The following CSMD1 variants were observed in gnomAD, a reference collection of about 807,000 sequenced individuals.
CSMD1 encodes CUB and sushi domain-containing protein 1.
CSMD1 carries 213 observed loss-of-function variants against 417.5 expected under a neutral mutation model. That is an observed-to-expected ratio of 0.51 (90% CI 0.46 to 0.57). CSMD1 has a LOEUF of 0.57. Among genes scored for constraint, CSMD1 ranks in the 20% least tolerant of loss-of-function variants. The probability of loss-of-function intolerance (pLI) is 0.00; values close to 1 mark genes in which losing one functional copy is unlikely to be tolerated. For synonymous variants in CSMD1, 2,862 were observed against 1,736.8 expected, an observed-to-expected ratio of 1.65 and a Z score of -16.11; for missense variants, 6,923 against 4,529.7, an observed-to-expected ratio of 1.53 and a Z score of -15.17.
intron 1 of CSMD1, among the ~76,000 whole-genome samples, chr8:4,818,753 T>C (rs1456906337): frequency 6.6e-6 from 1 of 152,214 alleles, no homozygotes; most frequent in Non-Finnish European, 1.5e-5. Context: ...CATAGTCTGA[T>C]TATAATAGCT....
At chr8:3,617,567 C>T (rs1802203928) in intron 7 of CSMD1, among the ~76,000 whole-genome samples, 1 of 152,104 alleles carries the variant, frequency 6.6e-6, no homozygotes, top group South Asian at 2.1e-4. Flanking sequence ...TTCTGGGAAA[C>T]ATTACAGGAT....
chr8:3,529,726 T>A (rs1181345791), intron 10 of CSMD1, among the ~76,000 whole-genome samples: 2 of 152,166 alleles, frequency 1.3e-5, no homozygotes, highest in Non-Finnish European at 2.9e-5. Context: ...ATATCTGTTG[T>A]TTTACTCACA....
At chr8:3,278,859 C>G (rs368341146) in intron 26 of CSMD1, 1 of 152,080 alleles carries the variant, frequency 6.6e-6, no homozygotes, top group Non-Finnish European at 1.5e-5. Context: ...AGTGAGGGGA[C>G]GAATGTGGGT....
chr8:3,569,180 A>T (rs1191212858), intron 10 of CSMD1, among the ~76,000 whole-genome samples: 1 of 152,194 alleles, frequency 6.6e-6, no homozygotes, highest in East Asian at 1.9e-4. Flanking sequence ...CTTTCATTTT[A>T]TAACTTCCTG....
At chr8:3,980,833 G>C (rs1405765194) in intron 5 of CSMD1, among the ~76,000 whole-genome samples, 1 of 152,158 alleles carries the variant, frequency 6.6e-6, no homozygotes, top group Non-Finnish European at 1.5e-5. Flanking sequence ...CCCACTCCCA[G>C]CAGTTGGCTA....
intron 12 of CSMD1, among the ~76,000 whole-genome samples, chr8:3,454,954 A>C (rs908103701): frequency 2.0e-5 from 3 of 152,190 alleles, no homozygotes; most frequent in Admixed American, 6.5e-5. Flanking sequence ...TACACCAATC[A>C]GATGTAGATT....
chr8:3,597,373 A>C (rs557614853), intron 8 of CSMD1, among the ~76,000 whole-genome samples: 34 of 92,942 alleles, frequency 3.7e-4, no homozygotes, highest in South Asian at 7.2e-4. Context: ...ACTGGAATTA[A>C]ACTGCCCCTA....
Position 3,131,367 on chromosome 8 carries a change from T to G in CSMD1, c.6241+11098A>C, listed in dbSNP as rs571909073. On this transcript the variant is annotated intron_variant, in intron 41 of 69. Coordinates refer to ENST00000635120, the MANE Select transcript of CSMD1 (RefSeq NM_033225.6). The stretch of plus-strand genomic sequence containing the variant: ...ATAATAAAAGAAAAAAAAGAAAAAA[T>G]AAATAAATAAAATAAAATAAAAAAA... Among the ~76,000 whole-genome samples, 32 of 148,792 alleles carry G rather than the reference T, an allele frequency of 2.2e-4. No homozygotes were observed. The South Asian group carries it at 6.8e-3, about 31-fold the overall frequency.
At chr8:3,518,497 C>A (rs1797373691) in intron 10 of CSMD1, among the ~76,000 whole-genome samples, 1 of 151,994 alleles carries the variant, frequency 6.6e-6, no homozygotes, top group African/African-American at 2.4e-5. Context: ...GTAGACTCAA[C>A]AAAGAATCAG....
intron 6 of CSMD1, among the ~76,000 whole-genome samples, chr8:3,728,906 C>G (rs1294794630): frequency 6.6e-6 from 1 of 152,306 alleles, no homozygotes; most frequent in African/African-American, 2.4e-5. Flanking sequence ...TTCAATCTAT[C>G]ACCGACTGCA....
chr8:4,303,247 ACT>A (rs1359305081), intron 3 of CSMD1, among the ~76,000 whole-genome samples: 1 of 152,118 alleles, frequency 6.6e-6, no homozygotes, highest in Non-Finnish European at 1.5e-5. Flanking sequence ...AGTATTCTCT[ACT>A]CTCATGAAAT....
chr8:4,255,340 T>G (rs1002990221), intron 3 of CSMD1, among the ~76,000 whole-genome samples: 4 of 152,190 alleles, frequency 2.6e-5, no homozygotes, highest in Non-Finnish European at 5.9e-5. Context: ...ATATCTGCAG[T>G]CATTGTTCTT....
At chr8:4,764,890 A>AAAAAAAC in intron 1 of CSMD1, among the ~76,000 whole-genome samples, 1 of 36,098 alleles carries the variant, frequency 2.8e-5, no homozygotes, top group Non-Finnish European at 4.6e-5. Flanking sequence ...AAAAAAAAAA[A>AAAAAAAC]AAAACAACAA....
At chr8:3,371,629 C>T (rs192670257) in intron 18 of CSMD1, among the ~76,000 whole-genome samples, 1 of 152,042 alleles carries the variant, frequency 6.6e-6, no homozygotes, top group Admixed American at 6.6e-5. Context: ...TTTATAAAAG[C>T]CTCTTCCACA....
chr8:3,341,516 G>A (rs573743883), intron 23 of CSMD1, among the ~76,000 whole-genome samples: 2 of 152,292 alleles, frequency 1.3e-5, no homozygotes, highest in Admixed American at 6.5e-5. Context: ...TAACACACGA[G>A]CTGAGCACAA....
At chr8:4,649,577 T>G (rs1247655533) in intron 1 of CSMD1, among the ~76,000 whole-genome samples, 1 of 152,216 alleles carries the variant, frequency 6.6e-6, no homozygotes, top group Non-Finnish European at 1.5e-5. Flanking sequence ...TTTCTGTCAT[T>G]TTCTGAAAAG....
intron 3 of CSMD1, among the ~76,000 whole-genome samples, chr8:4,175,781 T>C (rs755649043): frequency 6.6e-6 from 1 of 152,170 alleles, no homozygotes; most frequent in East Asian, 1.9e-4. Flanking sequence ...AAGTCATGAA[T>C]ACTATGATGA....
intron 2 of CSMD1, among the ~76,000 whole-genome samples, chr8:4,595,748 C>G (rs57537880): frequency 4.5e-3 from 690 of 152,242 alleles, no homozygotes; most frequent in African/African-American, 0.016. Context: ...AAAAACAAAG[C>G]AAAACAAATG....
At chr8:3,826,988 C>T (rs1425989960) in intron 5 of CSMD1, among the ~76,000 whole-genome samples, 1 of 151,976 alleles carries the variant, frequency 6.6e-6, no homozygotes, top group Non-Finnish European at 1.5e-5. Flanking sequence ...TGCTATGTTG[C>T]CCAAGCTGGT....
Sources: allele counts gnomAD v4.1 joint callset (sites outside exome capture counted in the v4.1 genomes callset), GRCh38; gene constraint gnomAD v4.1.1; transcripts MANE v1.5; gene names NCBI Gene and HGNC (gene_info 2026-07-23, HGNC 2026-07-21).